JAZF1: variants seen among roughly 807,000 people sequenced by gnomAD.
The protein encoded by JAZF1 is JAZF zinc finger 1, also known as juxtaposed with another zinc finger protein 1.
Under a neutral mutation model 26.4 loss-of-function variants are expected in JAZF1, and 8 were observed. The ratio of observed to expected loss-of-function variants is 0.30; its 90% CI spans 0.18 to 0.55. The LOEUF (loss-of-function observed/expected upper bound fraction) is 0.55. Among genes scored for constraint, JAZF1 ranks in the 20% least tolerant of loss-of-function variants. The pLI, the probability that JAZF1 is intolerant of heterozygous loss-of-function variation, is 0.94. For missense variants in JAZF1, 199 were observed against 322.0 expected (o/e 0.62, Z 2.92); for synonymous variants, 126 against 122.3 (o/e 1.03, Z -0.20).
chr7:28,005,151 G>A (rs1322577211), intron 1 of JAZF1, among the ~76,000 whole-genome samples: 1 of 152,096 alleles, frequency 6.6e-6, no homozygotes, highest in African/African-American at 2.4e-5. Flanking sequence ...CTTTGACTGG[G>A]AACCATTTAT....
chr7:28,151,213 C>T (rs1207871245), intron 1 of JAZF1, among the ~76,000 whole-genome samples: 2 of 151,766 alleles, frequency 1.3e-5, no homozygotes, highest in South Asian at 4.2e-4. Context: ...AAGTGATTCT[C>T]CTGCCCCAGC....
intron 1 of JAZF1, among the ~76,000 whole-genome samples, chr7:28,034,469 TAC>T (rs59979673): frequency 0.016 from 2,366 of 145,382 alleles, 60 homozygotes; most frequent in African/African-American, 0.055. Flanking sequence ...AGAAAACTAA[TAC>T]ACACACACAC....
chr7:27,885,930 G>A (rs991684606), intron 3 of JAZF1, among the ~76,000 whole-genome samples: 2 of 152,104 alleles, frequency 1.3e-5, no homozygotes, highest in African/African-American at 4.8e-5. Flanking sequence ...TCAGCTTAGA[G>A]CAAAAAATGT....
chr7:28,122,699 C>G (rs1163060172), intron 1 of JAZF1, among the ~76,000 whole-genome samples: 1 of 152,048 alleles, frequency 6.6e-6, no homozygotes, highest in Non-Finnish European at 1.5e-5. Flanking sequence ...AGGGCAATCC[C>G]GGAACACCAA....
chr7:27,858,587 A>G (rs1009643333), intron 3 of JAZF1, among the ~76,000 whole-genome samples: 1 of 152,318 alleles, frequency 6.6e-6, no homozygotes, highest in Admixed American at 6.5e-5. Context: ...CACATCTACA[A>G]CCATCTGATC....
chr7:28,163,382 T>C (rs1783321315), intron 1 of JAZF1, among the ~76,000 whole-genome samples: 1 of 152,118 alleles, frequency 6.6e-6, no homozygotes, highest in Admixed American at 6.5e-5. Flanking sequence ...TGACATCGAC[T>C]TGGAACTGGG....
At chr7:28,167,833 C>T (rs1234899870) in intron 1 of JAZF1, among the ~76,000 whole-genome samples, 3 of 152,140 alleles carry the variant, frequency 2.0e-5, no homozygotes, top group Non-Finnish European at 2.9e-5. Context: ...TAGTTAACTG[C>T]TTCATAAAGA....
intron 2 of JAZF1, among the ~76,000 whole-genome samples, chr7:27,983,595 G>T (rs890839168): frequency 6.6e-6 from 1 of 152,154 alleles, no homozygotes; most frequent in Non-Finnish European, 1.5e-5. Flanking sequence ...AGGAAATACA[G>T]AGAACGCCAC....
intron 1 of JAZF1, among the ~76,000 whole-genome samples, chr7:28,009,241 CA>C (rs35774047): frequency 0.12 from 17,215 of 143,292 alleles, 1,532 homozygotes; most frequent in East Asian, 0.43. Flanking sequence ...AACATACTTT[CA>C]AAAAAAAAAA....
chr7:27,964,728 G>A (rs960636385), intron 2 of JAZF1, among the ~76,000 whole-genome samples: 5 of 151,066 alleles, frequency 3.3e-5, no homozygotes, highest in Non-Finnish European at 7.4e-5. Flanking sequence ...AAGGAAAAAA[G>A]AACCAACATA....
intron 1 of JAZF1, among the ~76,000 whole-genome samples, chr7:28,076,714 A>ATCTC (rs1784056998): frequency 6.7e-6 from 1 of 150,106 alleles, no homozygotes; most frequent in African/African-American, 2.4e-5. Context: ...TCTCTCAAAA[A>ATCTC]AAAAAAAAAA....
intron 1 of JAZF1, among the ~76,000 whole-genome samples, chr7:28,096,255 C>T (rs943940682): frequency 3.3e-5 from 5 of 152,230 alleles, no homozygotes; most frequent in East Asian, 1.9e-4. Context: ...TAGGGTTGTC[C>T]GAGAAGTTCT....
chr7:27,977,659 GAT>G (rs1785500726), intron 2 of JAZF1, among the ~76,000 whole-genome samples: 1 of 152,188 alleles, frequency 6.6e-6, no homozygotes, highest in African/African-American at 2.4e-5. Flanking sequence ...GGAGGATCCT[GAT>G]ATAGATTTTT....
At chr7:28,007,118 T>A (rs751740439) in intron 1 of JAZF1, among the ~76,000 whole-genome samples, 3 of 152,126 alleles carry the variant, frequency 2.0e-5, no homozygotes, top group Non-Finnish European at 4.4e-5. Flanking sequence ...CAGGTAAAAG[T>A]ATGCTATTCC....
At chr7:28,032,948 C>T (rs1018158194) in intron 1 of JAZF1, among the ~76,000 whole-genome samples, 6 of 152,164 alleles carry the variant, frequency 3.9e-5, no homozygotes, top group Admixed American at 2.6e-4. Flanking sequence ...CACAAGGAGG[C>T]GAAAGCAACC....
In JAZF1 at chr7:27,840,672, T is replaced by C. The variant is rs1782906039; in HGVS notation, c.555+26A>G. The C allele has an allele frequency of 6.2e-7, 1 of 1,611,686 alleles. No individual in the cohort carries two copies. Among genetic ancestry groups the C allele is most frequent in the African/African-American group, 1.3e-5 (1 of 74,994 alleles). ...AGCTTGCCCTGTTTCCATGTGGTTA[T>C]GCCAAGCATGCAGCACCTCTGTTAC... On this transcript the variant is annotated intron_variant, in intron 4 of 4. Transcript: ENST00000283928. The surrounding 1 kb of genome is among the most constrained non-coding windows in gnomAD (Gnocchi z 5.1).
intron 1 of JAZF1, among the ~76,000 whole-genome samples, chr7:28,020,332 G>T (rs559940711): frequency 6.6e-6 from 1 of 152,170 alleles, no homozygotes; most frequent in Admixed American, 6.5e-5. Flanking sequence ...AGAGAAAAGC[G>T]AAGAGAAGCC....
At chr7:27,846,392 C>CATATACGCATACGTGTAT (rs1554328575) in intron 3 of JAZF1, 3 of 419,712 alleles carry the variant, frequency 7.1e-6, no homozygotes, top group Non-Finnish European at 1.5e-5. Context: ...CGTATATATA[C>CATATACGCATACGTGTAT]ATATACGTAT....
chr7:28,163,798 T>C (rs1783326246), intron 1 of JAZF1, among the ~76,000 whole-genome samples: 1 of 152,188 alleles, frequency 6.6e-6, no homozygotes, highest in African/African-American at 2.4e-5. Flanking sequence ...CCGTGGTCAC[T>C]TTAGGAGAAA....
Sources: allele counts gnomAD v4.1 joint callset (sites outside exome capture counted in the v4.1 genomes callset), GRCh38; gene constraint gnomAD v4.1.1; non-coding constraint Gnocchi (gnomAD v3.1); transcripts MANE v1.5; gene names NCBI Gene and HGNC (gene_info 2026-07-23, HGNC 2026-07-21).